SYTL4: variants seen among roughly 807,000 people sequenced by gnomAD.
SYTL4 encodes synaptotagmin-like protein 4.
SYTL4 carries 16 observed loss-of-function variants against 52.7 expected under a neutral mutation model. The observed-to-expected ratio is 0.30, with a 90% CI of 0.21 to 0.46. The LOEUF (loss-of-function observed/expected upper bound fraction) is 0.46. SYTL4 is among the 20% of genes least tolerant of loss of function. The pLI, the probability that SYTL4 is intolerant of heterozygous loss-of-function variation, is 1.00. For missense variants in SYTL4, 423 were observed against 519.9 expected (o/e 0.81, Z 1.81); for synonymous variants, 160 against 186.6 (o/e 0.86, Z 1.16).
chrX:100,697,253 C>T (rs1467197191), intron 8 of SYTL4, among the ~76,000 whole-genome samples: 2 of 111,730 alleles, frequency 1.8e-5, no homozygotes, highest in Admixed American at 9.5e-5. Context: ...TTTCATGAGA[C>T]CAAAACTCAG....
intron 2 of SYTL4, among the ~76,000 whole-genome samples, chrX:100,723,461 G>A (rs1179118428): frequency 9.8e-5 from 11 of 111,795 alleles, no homozygotes; most frequent in African/African-American, 3.3e-4. Flanking sequence ...GCGTGATCTC[G>A]GCTCACTACA....
chrX:100,682,711 C>A (rs1367762121), intron 16 of SYTL4, among the ~76,000 whole-genome samples: 1 of 110,814 alleles, frequency 9.0e-6, no homozygotes, highest in South Asian at 3.9e-4. Context: ...TGTCCCTCCC[C>A]CCAAAAAAAG....
chrX:100,718,418 T>A (rs767902788), intron 2 of SYTL4, among the ~76,000 whole-genome samples: 1 of 111,360 alleles, frequency 9.0e-6, no homozygotes, highest in Admixed American at 9.6e-5. Flanking sequence ...TCAAAAAATA[T>A]CATAAATTTT....
chrX:100,710,930 T>C (rs995525809), intron 2 of SYTL4, among the ~76,000 whole-genome samples: 1 of 112,471 alleles, frequency 8.9e-6, no homozygotes, highest in African/African-American at 3.2e-5. Flanking sequence ...GCCCATGGTA[T>C]GCCTGTGAGG....
intron 2 of SYTL4, among the ~76,000 whole-genome samples, chrX:100,723,456 A>G (rs1232307157): frequency 2.7e-5 from 3 of 111,714 alleles, no homozygotes; most frequent in Non-Finnish European, 5.7e-5. Flanking sequence ...CAGTAGCGTG[A>G]TCTCGGCTCA....
At chrX:100,729,981 C>T (rs780197415) in intron 2 of SYTL4, among the ~76,000 whole-genome samples, 5 of 110,926 alleles carry the variant, frequency 4.5e-5, no homozygotes, top group Admixed American at 9.6e-5. Context: ...GTACTCCATC[C>T]ATCCCATGAC....
intron 2 of SYTL4, among the ~76,000 whole-genome samples, chrX:100,714,724 G>A (rs1254495493): frequency 8.9e-6 from 1 of 111,941 alleles, no homozygotes; most frequent in Non-Finnish European, 1.9e-5. Flanking sequence ...CATAACTGGT[G>A]CCTGGAACTG....
intron 2 of SYTL4, among the ~76,000 whole-genome samples, chrX:100,707,830 C>T (rs2083988363): frequency 9.0e-6 from 1 of 111,526 alleles, no homozygotes; most frequent in African/African-American, 3.3e-5. Flanking sequence ...AGAATCTGAG[C>T]TCAGATGGAC....
In SYTL4 at chrX:100,675,333, A is replaced by G. The variant is rs1396708287; in HGVS notation, c.*695T>C. Reference sequence around the variant, plus strand: ...ATTATCTAATTAAAGTGCTTTTCAAAAGCAGCTCCATTATAAGAGTCCCCC... The same window carrying G: ...ATTATCTAATTAAAGTGCTTTTCAAGAGCAGCTCCATTATAAGAGTCCCCC... On this transcript the variant is annotated 3_prime_UTR_variant, in exon 20 of 20. Coordinates refer to ENST00000372989, the MANE Select transcript of SYTL4 (RefSeq NM_001370165.1). 8.9e-6 allele frequency: 1 copy of G among 112,578 alleles called. No homozygotes were observed. Among genetic ancestry groups the G allele is most frequent in the Non-Finnish European group, 1.9e-5 (1 of 53,328 alleles). 9.3% of individuals were successfully genotyped at this position (112,578 alleles called of 1,213,427 possible).
intron 2 of SYTL4, among the ~76,000 whole-genome samples, chrX:100,727,514 C>T (rs1451942536): frequency 8.9e-6 from 1 of 112,910 alleles, no homozygotes; most frequent in Non-Finnish European, 1.9e-5. Flanking sequence ...TCTTAGATGT[C>T]ACTCTGGTGA....
At chrX:100,723,717 G>A (rs1415381105) in intron 2 of SYTL4, among the ~76,000 whole-genome samples, 1 of 109,961 alleles carries the variant, frequency 9.1e-6, no homozygotes, top group Non-Finnish European at 1.9e-5. Context: ...GATGTGAGGA[G>A]CGTCTCTGCC....
intron 19 of SYTL4, 34 bp from the exon 20 acceptor site, chrX:100,676,210 G>A: frequency 8.3e-7 from 1 of 1,206,606 alleles, no homozygotes; most frequent in Non-Finnish European, 1.1e-6. Flanking sequence ...CTAAAGAGGG[G>A]CCCCACTCTC....
chrX:100,689,403 C>T (rs985318911), intron 12 of SYTL4, among the ~76,000 whole-genome samples: 4 of 105,346 alleles, frequency 3.8e-5, no homozygotes, highest in African/African-American at 1.0e-4. Context: ...ATTGGGAGGC[C>T]GAGGCAGGTG....
chrX:100,715,096 G>T (rs1247593655), intron 2 of SYTL4, among the ~76,000 whole-genome samples: 3 of 111,788 alleles, frequency 2.7e-5, no homozygotes, highest in African/African-American at 9.8e-5. Context: ...TCGTAGCTCA[G>T]TGTAGCCTTG....
rs1374842611 is a variant in SYTL4, at chrX:100,706,492, C to T, written c.-239-1606G>A. 2.7e-5 allele frequency among the ~76,000 whole-genome samples: 3 copies of T among 112,349 alleles called. No individual in the cohort carries two copies. In the Admixed American group the frequency reaches 2.8e-4, roughly 11 times the overall value. ...TTTCCAACACTAACCCTGTTAACAG[C>T]CAGCTTGTTTGCAATGGGATCTTGC... On this transcript the variant is annotated intron_variant, in intron 2 of 19. Transcript: ENST00000372989.
chrX:100,702,601 A>G lies in SYTL4; in HGVS notation c.-71+492T>C, dbSNP rs1399662418. The stretch of plus-strand genomic sequence containing the variant: ...TCAGTCAGCTTTCTGCTATACTTCA[A>G]AACTTCCACCCCCTACTCTATCTCT... On this transcript the variant is annotated intron_variant, in intron 4 of 19. Coordinates refer to ENST00000372989, the MANE Select transcript of SYTL4 (RefSeq NM_001370165.1). 3.6e-5 allele frequency among the ~76,000 whole-genome samples: 4 copies of G among 112,046 alleles called. No individual in the cohort carries two copies. The East Asian group carries it at 8.4e-4, about 23-fold the overall frequency.
At position 100,702,078 on chromosome X, in the gene SYTL4, C is replaced by A; in HGVS notation, c.-41G>T. 9.9e-7 allele frequency: 1 copy of A among 1,011,330 alleles called. No individual in the cohort carries two copies. The highest frequency in any genetic ancestry group is 2.4e-5 in the Admixed American group (1 of 41,382). The allele number at this position is 1,011,330 out of a possible 1,213,427, so 83.3% of individuals were successfully genotyped here. A position where few individuals can be genotyped will look rare whatever the true frequency, so the allele number is the denominator to read the frequency against. On this transcript the variant is annotated 5_prime_UTR_variant, in exon 5 of 20. Transcript: ENST00000372989. ...TTCTTCTACTCTTCTTTCTTCAAAA[C>A]AACCAGACAAGGAGAGCTACCAGAG...
At chrX:100,725,424 A>G (rs1331844660) in intron 2 of SYTL4, among the ~76,000 whole-genome samples, 1 of 112,414 alleles carries the variant, frequency 8.9e-6, no homozygotes, top group Non-Finnish European at 1.9e-5. Context: ...TACTGGCAAT[A>G]AAGATTTTTT....
At chrX:100,697,290 C>T (rs1002510569) in intron 8 of SYTL4, among the ~76,000 whole-genome samples, 3 of 111,966 alleles carry the variant, frequency 2.7e-5, no homozygotes, top group Non-Finnish European at 5.6e-5. Context: ...CTGCACCTAC[C>T]CCTTCAGGTT....
Sources: allele counts gnomAD v4.1 joint callset (sites outside exome capture counted in the v4.1 genomes callset), GRCh38; gene constraint gnomAD v4.1.1; transcripts MANE v1.5; gene names NCBI Gene and HGNC (gene_info 2026-07-23, HGNC 2026-07-21).